The following GPBP1L1 variants were observed in gnomAD, a reference collection of about 807,000 sequenced individuals.
GPBP1L1 encodes the protein GC-rich promoter binding protein 1 like 1.
A neutral mutation model predicts 52.5 loss-of-function variants in GPBP1L1; 23 were observed. That is an observed-to-expected ratio of 0.44 (90% CI 0.32 to 0.62). The LOEUF is 0.62. GPBP1L1 is among the 20% of genes least tolerant of loss of function. The pLI, the probability that GPBP1L1 is intolerant of heterozygous loss-of-function variation, is 0.06. For synonymous variants in GPBP1L1, 243 were observed against 203.1 expected (o/e 1.20, Z -1.67); for missense variants, 596 against 579.3 (o/e 1.03, Z -0.30).
chr1:45,657,447 GA>G (rs1644898057), intron 4 of GPBP1L1, among the ~76,000 whole-genome samples: 1 of 152,084 alleles, frequency 6.6e-6, no homozygotes, highest in Non-Finnish European at 1.5e-5. Context: ...GAGGTAGGAG[GA>G]TCGCCTGAGC....
chr1:45,637,543 G>GTTTTTTTTTTTTTTTTTTTTTTTTTTT (rs1553179402), intron 8 of GPBP1L1, among the ~76,000 whole-genome samples: 35 of 98,714 alleles, frequency 3.5e-4, no homozygotes, highest in Non-Finnish European at 5.3e-4. Context: ...CTTTATATTA[G>GTTTTTTTTTTTTTTTTTTTTTTTTTTT]TTTTCCAATC....
intron 8 of GPBP1L1, 27 bp downstream of exon 8, chr1:45,640,183 G>C (rs776714305): frequency 4.5e-6 from 7 of 1,560,724 alleles, no homozygotes; most frequent in Non-Finnish European, 5.3e-6. Flanking sequence ...TCTTGTATAA[G>C]GTTCTTGCCC....
rs529462155 is a variant in GPBP1L1, at chr1:45,684,642, T to G, written c.-1098+934A>C. Among the ~76,000 whole-genome samples, 3 of 152,160 alleles carry G rather than the reference T, an allele frequency of 2.0e-5. No homozygotes were observed. The South Asian group carries it at 6.2e-4, about 32-fold the overall frequency. ...GATAAAGACACCATCCAGAATCAAC[T>G]GAATGTTTATATTAACATGTACAAA... On this transcript the variant is annotated intron_variant, in intron 2 of 12. Transcript: ENST00000355105.
intron 2 of GPBP1L1, among the ~76,000 whole-genome samples, chr1:45,673,025 G>A (rs1645092792): frequency 6.6e-6 from 1 of 152,122 alleles, no homozygotes; most frequent in Non-Finnish European, 1.5e-5. Context: ...GGGGATGTGT[G>A]GTCAAAATAA....
chr1:45,638,901 A>T (rs1269152671), intron 8 of GPBP1L1, among the ~76,000 whole-genome samples: 1 of 152,222 alleles, frequency 6.6e-6, no homozygotes, highest in African/African-American at 2.4e-5. Flanking sequence ...GATGGATTAG[A>T]GTTTGGCTAT....
rs376484482 is a variant in GPBP1L1, at chr1:45,664,564, CAAATA to C, written c.-1097-3344_-1097-3340del. On this transcript the variant is annotated intron_variant, in intron 2 of 12. Coordinates refer to ENST00000355105, the MANE Select transcript of GPBP1L1 (RefSeq NM_021639.5). ...TGGGTGACAGAGCAAGACTCTGCCTCAAATAAAATAAAATAAAATAAAATAAAATT... is the reference window on the plus strand; with the variant it reads ...TGGGTGACAGAGCAAGACTCTGCCTCAAATAAAATAAAATAAAATAAAATT... Among the ~76,000 whole-genome samples the C allele has an allele frequency of 6.0e-4, 92 of 152,084 alleles. No individual in the cohort carries two copies. The East Asian group carries it at 0.013, about 22-fold the overall frequency.
At chr1:45,630,644 G>T (rs372518521) in intron 10 of GPBP1L1, 38 bp from the exon 11 acceptor site, 10 of 1,608,378 alleles carry the variant, frequency 6.2e-6, no homozygotes, top group African/African-American at 4.0e-5. Context: ...TTGGTTTAAG[G>T]TTCCTTTGTA....
At chr1:45,672,527 CT>C (rs1180981767) in intron 2 of GPBP1L1, among the ~76,000 whole-genome samples, 2 of 138,546 alleles carry the variant, frequency 1.4e-5, no homozygotes, top group African/African-American at 5.2e-5. Flanking sequence ...CAGAAGAACT[CT>C]TTTTATACAC....
chr1:45,683,116 AAC>A (rs1419340142), intron 2 of GPBP1L1, among the ~76,000 whole-genome samples: 5 of 151,548 alleles, frequency 3.3e-5, no homozygotes, highest in Non-Finnish European at 5.9e-5. Context: ...CTTTTAGACC[AAC>A]AGTCTTACTT....
chr1:45,640,948 G>A (rs907808036), intron 7 of GPBP1L1, among the ~76,000 whole-genome samples: 4 of 152,118 alleles, frequency 2.6e-5, no homozygotes, highest in Admixed American at 6.6e-5. Flanking sequence ...AGCCCAGGTC[G>A]AGGCTGCAGC....
intron 7 of GPBP1L1, among the ~76,000 whole-genome samples, chr1:45,640,923 C>T (rs1170012064): frequency 2.0e-5 from 3 of 151,926 alleles, no homozygotes; most frequent in East Asian, 1.9e-4. Context: ...GAGGCTGAGG[C>T]GGGAGAATCA....
At chr1:45,633,735 G>A (rs1644560269) in intron 9 of GPBP1L1, 88 bp from the exon 10 acceptor site, 1 of 1,326,682 alleles carries the variant, frequency 7.5e-7, no homozygotes, top group Admixed American at 2.3e-5. Flanking sequence ...TCAAGAATCT[G>A]GTAGCCTATT....
chr1:45,668,985 T>G (rs1645042924), intron 2 of GPBP1L1, among the ~76,000 whole-genome samples: 1 of 152,114 alleles, frequency 6.6e-6, no homozygotes, highest in Non-Finnish European at 1.5e-5. Flanking sequence ...AATTAAAAGC[T>G]TCACTTAATT....
intron 4 of GPBP1L1, among the ~76,000 whole-genome samples, chr1:45,657,587 C>T (rs1294079132): frequency 6.6e-6 from 1 of 152,088 alleles, no homozygotes; most frequent in Non-Finnish European, 1.5e-5. Flanking sequence ...GGTACAGTGG[C>T]TCATGCCTGT....
chr1:45,660,205 T>A lies in GPBP1L1; in HGVS notation c.-77A>T. 3.0e-6 allele frequency: 3 copies of A among 985,342 alleles called. No homozygotes were observed. The highest frequency in any genetic ancestry group is 3.6e-6 in the Non-Finnish European group (3 of 829,896). 61.0% of individuals were successfully genotyped at this position (985,342 alleles called of 1,614,324 possible). A position where few individuals can be genotyped will look rare whatever the true frequency, so the allele number is the denominator to read the frequency against. On this transcript the variant is annotated 5_prime_UTR_variant, in exon 3 of 13. Coordinates refer to ENST00000355105, the MANE Select transcript of GPBP1L1 (RefSeq NM_021639.5). ...TTACCCCAGAGTGTAACCTCTGTGG[T>A]CCTGTTTCTGAACTCGAGTCGGCCA...
At chr1:45,658,282 G>A (rs561554099) in intron 4 of GPBP1L1, among the ~76,000 whole-genome samples, 1 of 152,014 alleles carries the variant, frequency 6.6e-6, no homozygotes, top group Admixed American at 6.6e-5. Flanking sequence ...TTCATCTATC[G>A]CCATAAACAA....
intron 2 of GPBP1L1, among the ~76,000 whole-genome samples, chr1:45,681,513 G>A (rs1238083002): frequency 2.0e-5 from 3 of 152,114 alleles, no homozygotes; most frequent in Non-Finnish European, 4.4e-5. Flanking sequence ...AATTACAAAG[G>A]TCAACAGAAA....
rs181781422 is a variant in GPBP1L1 at position 45,639,620 on chromosome 1, T to G, written c.744+590A>C. Among the ~76,000 whole-genome samples, 947 of 149,990 alleles carry G rather than the reference T, an allele frequency of 6.3e-3. 10 individuals are homozygous for G. The highest frequency in any genetic ancestry group is 0.022 in the African/African-American group (882 of 40,832). On this transcript the variant is annotated intron_variant, in intron 8 of 12. Transcript: ENST00000355105. ...GGCTGGGCGTGGCGGCTCACGCCTGTAATCCCAGCACCTTGGGAGGCCGAG... is the reference window on the plus strand; with the variant it reads ...GGCTGGGCGTGGCGGCTCACGCCTGGAATCCCAGCACCTTGGGAGGCCGAG...
intron 6 of GPBP1L1, among the ~76,000 whole-genome samples, chr1:45,644,024 C>G (rs2148446616): frequency 6.6e-6 from 1 of 152,246 alleles, no homozygotes; most frequent in South Asian, 2.1e-4. Flanking sequence ...CAAAAAGACA[C>G]CCAGGCTCCA....
Sources: allele counts gnomAD v4.1 joint callset (sites outside exome capture counted in the v4.1 genomes callset), GRCh38; gene constraint gnomAD v4.1.1; transcripts MANE v1.5; gene names NCBI Gene and HGNC (gene_info 2026-07-23, HGNC 2026-07-21).